NF1: variants seen among roughly 807,000 people sequenced by gnomAD.
NF1 encodes neurofibromin.
NF1 carries 122 observed loss-of-function variants against 325.7 expected under a neutral mutation model. That is an observed-to-expected ratio of 0.37 (90% CI 0.32 to 0.44). The LOEUF is 0.44. NF1 is among the 20% of genes least tolerant of loss of function. The probability of loss-of-function intolerance (pLI) is 1.00; values close to 1 mark genes in which losing one functional copy is unlikely to be tolerated. For missense variants in NF1, 2,140 were observed against 3,415.4 expected (o/e 0.63, Z 9.31); for synonymous variants, 1,091 against 1,186.0 (o/e 0.92, Z 1.65).
intron 2 of NF1, among the ~76,000 whole-genome samples, chr17:31,157,795 TA>T (rs71142027): frequency 0.16 from 19,673 of 122,090 alleles, 4,478 homozygotes; most frequent in African/African-American, 0.53. Context: ...CCGTCTCTAC[TA>T]AAAAAAAAAA....
chr17:31,347,056 C>T (rs1378901525), intron 48 of NF1, among the ~76,000 whole-genome samples: 1 of 150,928 alleles, frequency 6.6e-6, no homozygotes, highest in Non-Finnish European at 1.5e-5. Context: ...GTCTTGGGAA[C>T]CCCCTAAAGT....
intron 31 of NF1, 129 bp from the exon 32 acceptor site, chr17:31,258,215 A>G: frequency 1.1e-6 from 1 of 946,342 alleles, no homozygotes; most frequent in Non-Finnish European, 1.6e-6. Context: ...AGAAAAAAAT[A>G]GAAATATGTC....
At position 31,169,891 on chromosome 17, in the gene NF1, G is replaced by A. The variant is rs1555607071; in HGVS notation, c.480G>A (p.Arg160=). 4.5e-6 allele frequency: 7 copies of A among 1,558,738 alleles called. No individual in the cohort carries two copies. The highest frequency in any genetic ancestry group is 4.4e-6 in the Non-Finnish European group (5 of 1,143,870). The part of the protein sequence containing the change: ...FNAVFSRIST[R]LQELTVCSED... ...GTTAATTTTGGTTTTTACTTTTTAG[G>A]TTACAGGAATTAACTGTTTGTTCAG... The change falls in exon 5 of 58, where the codon AGG becomes AGA. Residue 160 remains arginine (R), a splice_region_variant and synonymous_variant. Coordinates refer to ENST00000358273, the MANE Select transcript of NF1 (RefSeq NM_001042492.3).
intron 50 of NF1, among the ~76,000 whole-genome samples, chr17:31,350,935 T>A (rs913582853): frequency 3.9e-5 from 6 of 152,222 alleles, no homozygotes; most frequent in African/African-American, 9.6e-5. Flanking sequence ...AGAAAAGTTA[T>A]CTTCTGTTCG....
At chr17:31,144,521 G>A (rs1916454323) in intron 1 of NF1, among the ~76,000 whole-genome samples, 1 of 152,202 alleles carries the variant, frequency 6.6e-6, no homozygotes, top group South Asian at 2.1e-4. Context: ...CAGCTGGGCA[G>A]TTCTTCTGTT....
intron 8 of NF1, among the ~76,000 whole-genome samples, chr17:31,189,763 T>A (rs1249608748): frequency 6.7e-6 from 1 of 148,830 alleles, no homozygotes; most frequent in East Asian, 1.9e-4. Flanking sequence ...AAAGTATTTT[T>A]TTTTTTTTTT....
chr17:31,260,627 T>TA, intron 34 of NF1, 112 bp downstream of exon 34: 1 of 1,282,822 alleles, frequency 7.8e-7, no homozygotes, highest in Non-Finnish European at 1.1e-6. Flanking sequence ...GACTAAGAAT[T>TA]ATGGTTTAGA....
chr17:31,294,759 AT>A (rs1358488132), intron 36 of NF1: 2 of 539,264 alleles, frequency 3.7e-6, no homozygotes, highest in Non-Finnish European at 6.6e-6. Context: ...GCCTTAAAAC[AT>A]TTCATTTTTT....
chr17:31,159,186 G>C, intron 3 of NF1, 93 bp downstream of exon 3: 1 of 892,086 alleles, frequency 1.1e-6, no homozygotes, highest in Admixed American at 1.8e-5. Flanking sequence ...CAAGAGGACA[G>C]TCCTATGGAC....
chr17:31,305,673 A>T, intron 36 of NF1: 2 of 1,512,320 alleles, frequency 1.3e-6, no homozygotes, highest in Non-Finnish European at 1.8e-6. Flanking sequence ...GTTAGGCGTC[A>T]TTGGTGTCTA....
At chr17:31,165,540 C>T (rs1283560085) in intron 4 of NF1, among the ~76,000 whole-genome samples, 1 of 152,088 alleles carries the variant, frequency 6.6e-6, no homozygotes, top group African/African-American at 2.4e-5. Flanking sequence ...AAAGATTGAT[C>T]TTATGTTTTA....
intron 4 of NF1, among the ~76,000 whole-genome samples, chr17:31,166,877 A>T (rs2143692303): frequency 6.6e-6 from 1 of 152,186 alleles, no homozygotes; most frequent in East Asian, 1.9e-4. Context: ...CCTTTGTTGC[A>T]GGGCTGGGTC....
intron 16 of NF1, 140 bp downstream of exon 16, chr17:31,223,707 G>T (rs2066966295): frequency 1.3e-6 from 1 of 792,422 alleles, no homozygotes; most frequent in African/African-American, 1.7e-5. Flanking sequence ...AAATATGTAT[G>T]CAGAGGACAA....
chr17:31,141,133 TTTTC>T (rs1916183294), intron 1 of NF1, among the ~76,000 whole-genome samples: 1 of 152,142 alleles, frequency 6.6e-6, no homozygotes, highest in Non-Finnish European at 1.5e-5. Context: ...ATGATAGATG[TTTTC>T]ACTGTAGTAA....
At chr17:31,295,606 C>T (rs779787307) in intron 36 of NF1, 2 of 1,614,010 alleles carry the variant, frequency 1.2e-6, no homozygotes, top group African/African-American at 1.3e-5. Flanking sequence ...TTGTTTCCAT[C>T]ATCCACTTCA....
intron 57 of NF1, among the ~76,000 whole-genome samples, chr17:31,370,883 C>A (rs2107360): frequency 0.44 from 66,662 of 151,950 alleles, 17,098 homozygotes; most frequent in African/African-American, 0.71. Flanking sequence ...CTAGTTTTGC[C>A]TGAATCTTAT....
rs569162076 is a variant in NF1 at position 31,181,339 on chromosome 17, G to A, written c.587-83G>A. 4.1e-5 allele frequency: 53 copies of A among 1,288,294 alleles called. 1 individual carries two copies. In the Admixed American group the frequency reaches 4.4e-4, roughly 11 times the overall value. 79.8% of individuals were successfully genotyped at this position (1,288,294 alleles called of 1,614,324 possible). A position where few individuals can be genotyped will look rare whatever the true frequency, so the allele number is the denominator to read the frequency against. On this transcript the variant is annotated intron_variant, in intron 5 of 57. Coordinates refer to ENST00000358273, the MANE Select transcript of NF1 (RefSeq NM_001042492.3). ...GATAATATTGGAGCAAAAGTAATAC[G>A]TAAATGGAAAGTTATTTTGCTCTGA... is the stretch of plus-strand genomic sequence containing the variant.
At position 31,200,470 on chromosome 17, in the gene NF1, A is replaced by G. The variant is rs373320953; in HGVS notation, c.937A>G (p.Ser313Gly). 6.2e-7 allele frequency: 1 copy of G among 1,614,140 alleles called. No individual in the cohort carries two copies. Among genetic ancestry groups the G allele is most frequent in the Non-Finnish European group, 8.5e-7 (1 of 1,180,006 alleles). Residue 313 changes from serine to glycine, a missense_variant, in exon 9 of 58, where the codon AGT becomes GGT. This residue lies in a region of NF1 where 179 missense variants were observed against 381.0 expected (regional missense o/e 0.47). Transcript: ENST00000358273. ...AAAAGCTCTTGCTGGCCATGGAGGA[A>G]GTAGGCAGCTGACAGAAAGTGCTGC... ...LRKALAGHGGSRQLTESAAIA... is the reference protein window; with the variant it reads ...LRKALAGHGGGRQLTESAAIA...
intron 1 of NF1, among the ~76,000 whole-genome samples, chr17:31,140,251 C>G (rs1193878981): frequency 6.6e-6 from 1 of 152,002 alleles, no homozygotes; most frequent in African/African-American, 2.4e-5. Context: ...GATGGCATCT[C>G]CGAAAGTATG....
Sources: allele counts gnomAD v4.1 joint callset (sites outside exome capture counted in the v4.1 genomes callset), GRCh38; gene constraint gnomAD v4.1.1; regional missense constraint gnomAD v4.1.1; transcripts MANE v1.5; gene names NCBI Gene and HGNC (gene_info 2026-07-23, HGNC 2026-07-21).